DLGAP2: variants seen among roughly 807,000 people sequenced by gnomAD.
DLGAP2 encodes the protein DLG associated protein 2.
Under a neutral mutation model 100.3 loss-of-function variants are expected in DLGAP2, and 26 were observed. That is an observed-to-expected ratio of 0.26 (90% CI 0.19 to 0.36). The LOEUF (loss-of-function observed/expected upper bound fraction) is 0.36, where lower values mean the gene tolerates loss of function less well. Among genes scored for constraint, DLGAP2 ranks in the 10% least tolerant of loss-of-function variants. The pLI, the probability that DLGAP2 is intolerant of heterozygous loss-of-function variation, is 1.00. For missense variants in DLGAP2, 1,858 were observed against 1,453.2 expected (o/e 1.28, Z -4.53); for synonymous variants, 886 against 630.1 (o/e 1.41, Z -6.08).
At chr8:1,655,316 A>G (rs1390181921) in intron 8 of DLGAP2, among the ~76,000 whole-genome samples, 1 of 152,194 alleles carries the variant, frequency 6.6e-6, no homozygotes, top group Non-Finnish European at 1.5e-5. Flanking sequence ...TAGTTTGTCC[A>G]ATATTCATTC....
At chr8:823,261 C>T (rs950742164) in intron 1 of DLGAP2, among the ~76,000 whole-genome samples, 9 of 152,102 alleles carry the variant, frequency 5.9e-5, no homozygotes, top group East Asian at 5.8e-4. Context: ...TCTGGCATTT[C>T]GGGAGCTCTG....
At chr8:1,184,467 C>A (rs1021482840) in intron 2 of DLGAP2, among the ~76,000 whole-genome samples, 5 of 152,166 alleles carry the variant, frequency 3.3e-5, no homozygotes, top group African/African-American at 1.2e-4. Flanking sequence ...GAGGCTGAGG[C>A]CATTCTTCTC....
At chr8:1,421,726 G>A (rs1403922619) in intron 3 of DLGAP2, among the ~76,000 whole-genome samples, 1 of 152,166 alleles carries the variant, frequency 6.6e-6, no homozygotes, top group Non-Finnish European at 1.5e-5. Context: ...AGCACTTTGG[G>A]AGGCTGAGGT....
chr8:1,469,674 A>G (rs1187881137), intron 3 of DLGAP2, among the ~76,000 whole-genome samples: 1 of 152,190 alleles, frequency 6.6e-6, no homozygotes, highest in Non-Finnish European at 1.5e-5. Context: ...CGTCAGAAGC[A>G]CCTGCTCTGC....
At chr8:1,533,853 A>AGGCT (rs1801067754) in intron 4 of DLGAP2, among the ~76,000 whole-genome samples, 1 of 152,146 alleles carries the variant, frequency 6.6e-6, no homozygotes, top group Non-Finnish European at 1.5e-5. Flanking sequence ...GCTCCTCAGG[A>AGGCT]GGCTGAGGTG....
chr8:1,297,569 G>A (rs1163673086), intron 3 of DLGAP2, among the ~76,000 whole-genome samples: 1 of 104,484 alleles, frequency 9.6e-6, no homozygotes, highest in African/African-American at 3.8e-5. Context: ...CAGACACCAC[G>A]TGAGACAGGG....
At chr8:1,509,486 A>G (rs911685036) in intron 4 of DLGAP2, among the ~76,000 whole-genome samples, 1 of 152,056 alleles carries the variant, frequency 6.6e-6, no homozygotes, top group African/African-American at 2.4e-5. Flanking sequence ...TATAATCCAA[A>G]AAGTTTGAAA....
intron 3 of DLGAP2, among the ~76,000 whole-genome samples, chr8:1,470,290 C>G (rs1334483443): frequency 6.6e-6 from 1 of 152,134 alleles, no homozygotes; most frequent in Non-Finnish European, 1.5e-5. Context: ...GTGCTCCATC[C>G]AGCACTTCTC....
intron 2 of DLGAP2, among the ~76,000 whole-genome samples, chr8:1,138,648 G>T (rs1208980043): frequency 4.6e-5 from 7 of 152,240 alleles, no homozygotes; most frequent in African/African-American, 1.7e-4. Context: ...ATGGAATGTT[G>T]CTGGCCTCCC....
At chr8:793,809 T>A (rs1333369907) in intron 1 of DLGAP2, among the ~76,000 whole-genome samples, 1 of 152,244 alleles carries the variant, frequency 6.6e-6, no homozygotes, top group Non-Finnish European at 1.5e-5. Flanking sequence ...TCTATTATTT[T>A]GTTTTACAGA....
chr8:997,726 A>G (rs1236720693), intron 2 of DLGAP2, among the ~76,000 whole-genome samples: 1 of 152,226 alleles, frequency 6.6e-6, no homozygotes, highest in Non-Finnish European at 1.5e-5. Flanking sequence ...ATTTAAAACA[A>G]TATAATTTTT....
At chr8:1,185,731 A>ACT (rs145712860) in intron 2 of DLGAP2, among the ~76,000 whole-genome samples, 3 of 39,464 alleles carry the variant, frequency 7.6e-5, no homozygotes, top group Non-Finnish European at 1.5e-4. Flanking sequence ...ACACACTCAC[A>ACT]CTCACACACA....
At chr8:1,388,351 A>G (rs1796269916) in intron 3 of DLGAP2, among the ~76,000 whole-genome samples, 1 of 66,632 alleles carries the variant, frequency 1.5e-5, no homozygotes, top group Non-Finnish European at 2.7e-5. Context: ...TGTGAGAGGC[A>G]GAGGCCATGG....
rs1035411718 is a variant in DLGAP2, at chr8:1,100,255, G to A, written c.74-158596G>A. Among the ~76,000 whole-genome samples the A allele has an allele frequency of 4.0e-5, 6 of 150,780 alleles. No homozygotes were observed. The East Asian group carries it at 5.9e-4, about 15-fold the overall frequency. On this transcript the variant is annotated intron_variant, in intron 2 of 14. Coordinates refer to ENST00000637795, the MANE Select transcript of DLGAP2 (RefSeq NM_001346810.2). ...GTCCAGCATGTCCACAGTGGACAGCGTGTGTAGGGAAAACCTTTGTCCAGC... is the reference window on the plus strand; with the variant it reads ...GTCCAGCATGTCCACAGTGGACAGCATGTGTAGGGAAAACCTTTGTCCAGC...
rs747356487 is a variant in DLGAP2, at chr8:1,548,691, A to G, written c.238A>G (p.Ser80Gly). Residue 80 changes from serine (S) to glycine (G), a missense_variant, in exon 5 of 15, where the codon AGC becomes GGC. Ser to Gly is a moderately conservative substitution (Grantham distance 56). Transcript: ENST00000637795. ...NEERYSPAPR[S>G]MKGLSGSRTQ... ...GGAGCGCTACTCGCCCGCGCCCAGG[A>G]GCATGAAGGGCCTTTCCGGAAGTCG... 2 of 1,605,844 alleles carry G rather than the reference A, an allele frequency of 1.2e-6. No individual in the cohort carries two copies. Among genetic ancestry groups the G allele is most frequent in the Admixed American group, 3.4e-5 (2 of 59,504 alleles).
At chr8:1,236,186 G>C (rs1441525788) in intron 2 of DLGAP2, among the ~76,000 whole-genome samples, 1 of 98,676 alleles carries the variant, frequency 1.0e-5, no homozygotes, top group Admixed American at 1.1e-4. Context: ...CTCTCACACA[G>C]AGCATCGTGT....
chr8:953,760 C>T (rs1167630206), intron 2 of DLGAP2, among the ~76,000 whole-genome samples: 1 of 152,192 alleles, frequency 6.6e-6, no homozygotes, highest in Admixed American at 6.5e-5. Context: ...CTGACGCTGT[C>T]ACAGTGAAAT....
chr8:1,088,794 CCCACCCCA>C lies in DLGAP2; in HGVS notation c.74-170055_74-170048del, dbSNP rs1804065789. Among the ~76,000 whole-genome samples the C allele has an allele frequency of 3.5e-3, 358 of 102,864 alleles. 15 individuals are homozygous for C. The highest frequency in any genetic ancestry group is 0.013 in the African/African-American group (347 of 26,454). 67.5% of individuals were successfully genotyped at this position (102,864 alleles called of 152,430 possible). A position where few individuals can be genotyped will look rare whatever the true frequency, so the allele number is the denominator to read the frequency against. On this transcript the variant is annotated intron_variant, in intron 2 of 14. Transcript: ENST00000637795. Reference sequence around the variant, plus strand: ...AGCAGGCTATGCAATTCTCACTCCCCCCACCCCACTCTCTCCACCCCTCATCCAGCAGG... The same window carrying C: ...AGCAGGCTATGCAATTCTCACTCCCCCTCTCTCCACCCCTCATCCAGCAGG...
chr8:1,508,354 A>C (rs1198556864), intron 4 of DLGAP2, among the ~76,000 whole-genome samples: 11 of 9,356 alleles, frequency 1.2e-3, no homozygotes, highest in South Asian at 4.4e-3. Context: ...ACCCCCGCAA[A>C]CCCCCGCCAC....
Sources: gnomAD v4.1 joint callset for allele counts (sites outside exome capture counted in the v4.1 genomes callset) on GRCh38, gnomAD v4.1.1 for gene constraint, MANE v1.5 for transcripts, NCBI Gene and HGNC (gene_info 2026-07-23, HGNC 2026-07-21) for gene names.